Variants in JAKMIP3 observed in about 807,000 individuals in gnomAD.
JAKMIP3 encodes janus kinase and microtubule-interacting protein 3.
In JAKMIP3, 58 loss-of-function variants were observed where a neutral mutation model predicts 118.5. That is an observed-to-expected ratio of 0.49 (90% CI 0.40 to 0.61). The LOEUF (loss-of-function observed/expected upper bound fraction) is 0.61, where lower values mean the gene tolerates loss of function less well. JAKMIP3 is among the 20% of genes least tolerant of loss of function. The pLI, the probability that JAKMIP3 is intolerant of heterozygous loss-of-function variation, is 0.00. For missense variants in JAKMIP3, 950 were observed against 1,109.0 expected (o/e 0.86, Z 2.04); for synonymous variants, 486 against 451.2 (o/e 1.08, Z -0.98).
intron 5 of JAKMIP3, 55 bp downstream of exon 5, chr10:132,135,215 G>A: frequency 2.0e-6 from 3 of 1,530,488 alleles, no homozygotes. Context: ...CGGAGCTGGG[G>A]ACCTGGGGGG....
At position 132,049,018 on chromosome 10, in the gene JAKMIP3, AT is replaced by A. The variant is rs535453182; in HGVS notation, c.-138+12282del. 1.6e-3 allele frequency among the ~76,000 whole-genome samples: 236 copies of A among 150,646 alleles called. 1 individual carries two copies. The highest frequency in any genetic ancestry group is 5.4e-3 in the African/African-American group (220 of 40,916). On this transcript the variant is annotated intron_variant, in intron 1 of 23. Transcript: ENST00000657785. This position sits in a 1 kb window ranked among gnomAD's most constrained non-coding sequence, Gnocchi z 4.3. ...TTTTTTTTCTTTTTAATGTTGCCAC[AT>A]TGTTTCTTTACTTCTCTGCATGTCC...
At chr10:132,180,730 C>CGTGTGT (rs1211226738) in intron 23 of JAKMIP3, among the ~76,000 whole-genome samples, 3 of 8,674 alleles carry the variant, frequency 3.5e-4, no homozygotes, top group Admixed American at 1.5e-3. Context: ...CGTGTGTGTG[C>CGTGTGT]GTGTGTGCGT....
rs915613057 is a variant in JAKMIP3 at position 132,040,116 on chromosome 10, TG to T, written c.-138+3385del. Reference sequence around the variant, plus strand: ...GCTCTGACCCCCAATGTAATGGTATTGGGGGGGTGGGCCCTTTGGGAGCTGA... The same window carrying T: ...GCTCTGACCCCCAATGTAATGGTATTGGGGGGTGGGCCCTTTGGGAGCTGA... On this transcript the variant is annotated intron_variant, in intron 1 of 23. Coordinates refer to the JAKMIP3 transcript ENST00000657785. 2.6e-5 allele frequency among the ~76,000 whole-genome samples: 4 copies of T among 152,012 alleles called. No individual in the cohort carries two copies. In the East Asian group the frequency reaches 5.8e-4, roughly 22 times the overall value.
At chr10:132,144,971 T>C in intron 11 of JAKMIP3, 136 bp from the exon 12 acceptor site, 1 of 684,408 alleles carries the variant, frequency 1.5e-6, no homozygotes, top group Admixed American at 2.8e-5. Context: ...AAAGCATCTC[T>C]TCCAAAGGAA....
chr10:132,134,084 C>T (rs942893659), intron 4 of JAKMIP3, among the ~76,000 whole-genome samples: 4 of 152,230 alleles, frequency 2.6e-5, no homozygotes, highest in African/African-American at 9.6e-5. Flanking sequence ...CTGCCGACCA[C>T]CCCGGGCTGA....
At chr10:132,129,064 T>G (rs2637640) in intron 3 of JAKMIP3, among the ~76,000 whole-genome samples, 3 of 152,006 alleles carry the variant, frequency 2.0e-5, no homozygotes, top group Admixed American at 6.6e-5. Flanking sequence ...GGTGATGTGT[T>G]GTGAGGCTGC....
chr10:132,088,434 T>G (rs2042679217), intron 1 of JAKMIP3, among the ~76,000 whole-genome samples: 1 of 152,238 alleles, frequency 6.6e-6, no homozygotes, highest in Non-Finnish European at 1.5e-5. Flanking sequence ...ACTGTGGTTT[T>G]GATTTGCATT....
chr10:132,126,863 A>T (rs961931734), intron 3 of JAKMIP3, among the ~76,000 whole-genome samples: 2 of 152,142 alleles, frequency 1.3e-5, no homozygotes, highest in African/African-American at 4.8e-5. Flanking sequence ...TGTCTATTTT[A>T]TATATAAGTA....
chr10:132,040,968 C>T (rs2037725288), intron 1 of JAKMIP3, among the ~76,000 whole-genome samples: 1 of 152,224 alleles, frequency 6.6e-6, no homozygotes, highest in Non-Finnish European at 1.5e-5. Flanking sequence ...TTTCACTTAG[C>T]ATGGTGTCCT....
At position 132,141,210 on chromosome 10, in the gene JAKMIP3, G is replaced by A. The variant is rs148097032; in HGVS notation, c.1473+631G>A. Among the ~76,000 whole-genome samples the A allele has an allele frequency of 6.4e-3, 974 of 152,320 alleles. 11 individuals carry two copies. The highest frequency in any genetic ancestry group is 0.023 in the African/African-American group (939 of 41,570). The stretch of plus-strand genomic sequence containing the variant: ...CCTCCCGTGGCAGACCCTGGAGGGT[G>A]GCCCAATGGCCATAGACCTGTTGAG... On this transcript the variant is annotated intron_variant, in intron 10 of 23. Transcript: ENST00000684848.
At chr10:132,174,984 G>T (rs2060015506) in intron 23 of JAKMIP3, among the ~76,000 whole-genome samples, 1 of 152,064 alleles carries the variant, frequency 6.6e-6, no homozygotes, top group South Asian at 2.1e-4. Context: ...AGTTTTGAGA[G>T]GCTCTTCCTC....
At chr10:132,120,485 C>T (rs1259373422) in intron 3 of JAKMIP3, among the ~76,000 whole-genome samples, 1 of 152,258 alleles carries the variant, frequency 6.6e-6, no homozygotes, top group Non-Finnish European at 1.5e-5. Flanking sequence ...CCCATCAGTT[C>T]ACCCTCAGCC....
intron 3 of JAKMIP3, among the ~76,000 whole-genome samples, chr10:132,132,405 G>C (rs898999971): frequency 1.3e-5 from 2 of 152,206 alleles, no homozygotes; most frequent in Non-Finnish European, 2.9e-5. Context: ...TCTGAAGAGC[G>C]GGGGCTGTCG....
intron 1 of JAKMIP3, among the ~76,000 whole-genome samples, chr10:132,043,540 T>G (rs2037821826): frequency 6.6e-6 from 1 of 152,240 alleles, no homozygotes; most frequent in Non-Finnish European, 1.5e-5. Context: ...CCAAAGCACT[T>G]CTTTCCTGTT....
intron 2 of JAKMIP3, among the ~76,000 whole-genome samples, chr10:132,116,190 A>T (rs928520965): frequency 6.6e-6 from 1 of 152,240 alleles, no homozygotes; most frequent in Non-Finnish European, 1.5e-5. Context: ...AACAATTCTC[A>T]TGAATAACAA....
In JAKMIP3 at chr10:132,118,465, A is replaced by G. The variant is rs1236458197; in HGVS notation, c.633+891A>G. On this transcript the variant is annotated intron_variant, in intron 3 of 23. Coordinates refer to ENST00000684848, the MANE Select transcript of JAKMIP3 (RefSeq NM_001323087.2). The surrounding 1 kb of genome is among the most constrained non-coding windows in gnomAD (Gnocchi z 4.8). ...GCCCCGGGCACCTTGGGTGGGATGC[A>G]GTGGTCTTTCCACGGGGCGTGGCTG... Among the ~76,000 whole-genome samples the G allele has an allele frequency of 6.6e-6, 1 of 152,162 alleles. No homozygotes were observed. Among genetic ancestry groups the G allele is most frequent in the African/African-American group, 2.4e-5 (1 of 41,442 alleles).
intron 2 of JAKMIP3, among the ~76,000 whole-genome samples, chr10:132,110,161 C>G (rs937413097): frequency 2.6e-5 from 4 of 152,228 alleles, no homozygotes; most frequent in African/African-American, 9.6e-5. Flanking sequence ...ACCGACCCTG[C>G]CCCACCGGCC....
chr10:132,090,924 A>C (rs927716616), intron 1 of JAKMIP3, among the ~76,000 whole-genome samples: 4 of 152,174 alleles, frequency 2.6e-5, no homozygotes, highest in African/African-American at 9.7e-5. Flanking sequence ...TTAGTGCCAT[A>C]AATTTCCCTC....
chr10:132,119,086 C>G (rs183683438), intron 3 of JAKMIP3, among the ~76,000 whole-genome samples: 1 of 152,214 alleles, frequency 6.6e-6, no homozygotes, highest in African/African-American at 2.4e-5. Flanking sequence ...CAGCTATTCA[C>G]AGTTCCTCTG....
Sources: allele counts gnomAD v4.1 joint callset (sites outside exome capture counted in the v4.1 genomes callset), GRCh38; gene constraint gnomAD v4.1.1; non-coding constraint Gnocchi (gnomAD v3.1); transcripts MANE v1.5; gene names NCBI Gene and HGNC (gene_info 2026-07-23, HGNC 2026-07-21).